Variants in ATP13A1 observed in about 807,000 individuals in gnomAD.
ATP13A1 encodes endoplasmic reticulum transmembrane helix translocase.
ATP13A1 carries 55 observed loss-of-function variants against 134.8 expected under a neutral mutation model. That is an observed-to-expected ratio of 0.41 (90% CI 0.33 to 0.51). The LOEUF is 0.51. ATP13A1 is among the 20% of genes least tolerant of loss of function. The pLI is 0.29. For missense variants in ATP13A1, 1,389 were observed against 1,652.8 expected (o/e 0.84, Z 2.77); for synonymous variants, 775 against 725.1 (o/e 1.07, Z -1.10).
At chr19:19,660,908 G>A (rs570183465) in intron 1 of ATP13A1, among the ~76,000 whole-genome samples, 6 of 150,772 alleles carry the variant, frequency 4.0e-5, no homozygotes, top group South Asian at 2.1e-4. Context: ...GTGAAACCCC[G>A]TCTCTACTAA....
chr19:19,646,369 G>A (rs1432647696), intron 22 of ATP13A1, 22 bp from the exon 23 acceptor site: 2 of 1,613,238 alleles, frequency 1.2e-6, no homozygotes, highest in South Asian at 2.2e-5. Context: ...AGGCGGGTGG[G>A]GGAGTCAGGA....
rs1352975676 is a variant in ATP13A1, at chr19:19,655,557, A to G, written c.1367T>C (p.Ile456Thr). 1 of 1,614,010 alleles carries G rather than the reference A, an allele frequency of 6.2e-7. No individual in the cohort carries two copies. Among genetic ancestry groups the G allele is most frequent in the Admixed American group, 1.7e-5 (1 of 60,020 alleles). ...IFILFLLVFA[I>T]AAAAYVWIEG... ...AATCCATACATAGGCAGCTGCAGCG[A>G]TGGCAAACACCAGGAGGAAGAGGAT... Residue 456 changes from isoleucine to threonine, a missense_variant, in exon 10 of 26, where the codon ATC (isoleucine) becomes ACC (threonine). Physicochemically the swap from Ile to Thr is moderately conservative, Grantham distance 89. Coordinates refer to ENST00000357324, the MANE Select transcript of ATP13A1 (RefSeq NM_020410.3). The surrounding 1 kb of genome is among the most constrained non-coding windows in gnomAD (Gnocchi z 5.7).
Position 19,647,457 on chromosome 19 carries a change from G to A in ATP13A1, c.2865C>T (p.Ser955=). 1 of 1,613,592 alleles carries A rather than the reference G, an allele frequency of 6.2e-7. No individual in the cohort carries two copies. Among genetic ancestry groups the A allele is most frequent in the Non-Finnish European group, 8.5e-7 (1 of 1,179,728 alleles). Residue 955 remains serine, a synonymous_variant, in exon 21 of 26, where the codon AGC becomes AGT. Coordinates refer to ENST00000357324, the MANE Select transcript of ATP13A1 (RefSeq NM_020410.3). This position sits in a 1 kb window ranked among gnomAD's most constrained non-coding sequence, Gnocchi z 4.8. ...GCTTGGAGGTGAAGGGTGCTGCGAT[G>A]CTGGCATCCCCCAGTTTCACAATGG... ...STPIVKLGDA[S]IAAPFTSKLS...
intron 22 of ATP13A1, 48 bp from the exon 23 acceptor site, chr19:19,646,395 G>A: frequency 6.2e-7 from 1 of 1,609,028 alleles, no homozygotes; most frequent in Non-Finnish European, 8.5e-7. Context: ...CTCACTTGGG[G>A]CCACCCTGCC....
chr19:19,648,791 A>G (rs1190335726), intron 19 of ATP13A1, among the ~76,000 whole-genome samples: 1 of 145,520 alleles, frequency 6.9e-6, no homozygotes, highest in African/African-American at 2.6e-5. Flanking sequence ...CCTGGGCAAC[A>G]AGAGAGAAAC....
Position 19,654,568 on chromosome 19 carries a change from C to T in ATP13A1, c.1788G>A (p.Thr596=), listed in dbSNP as rs551273698. ...VGDPLEKAML[T]AVDWTLTKDE... is the part of the protein sequence containing the mutation. ...CTTTGGTCAGCGTCCAGTCCACGGCCGTCAGCATGGCCTTCTCTAGAGGGT... is the reference window on the plus strand; with the variant it reads ...CTTTGGTCAGCGTCCAGTCCACGGCTGTCAGCATGGCCTTCTCTAGAGGGT... Residue 596 remains threonine, a synonymous_variant, in exon 13 of 26, where the codon ACG becomes ACA. Coordinates refer to ENST00000357324, the MANE Select transcript of ATP13A1 (RefSeq NM_020410.3). 1.7e-5 allele frequency: 28 copies of T among 1,611,960 alleles called. No individual in the cohort carries two copies. Among genetic ancestry groups the T allele is most frequent in the African/African-American group, 5.3e-5 (4 of 74,940 alleles).
At chr19:19,658,205 G>A (rs2062072285) in intron 3 of ATP13A1, among the ~76,000 whole-genome samples, 1 of 151,108 alleles carries the variant, frequency 6.6e-6, no homozygotes, top group South Asian at 2.1e-4. Context: ...GGGCCTAAGG[G>A]TGTGTTCTGC....
In ATP13A1 at chr19:19,647,577, C is replaced by T; in HGVS notation, c.2793+22G>A. 3 of 1,612,920 alleles carry T rather than the reference C, an allele frequency of 1.9e-6. No homozygotes were observed. Among genetic ancestry groups the T allele is most frequent in the Non-Finnish European group, 2.5e-6 (3 of 1,179,444 alleles). On this transcript the variant is annotated intron_variant, in intron 20 of 25. Coordinates refer to ENST00000357324, the MANE Select transcript of ATP13A1 (RefSeq NM_020410.3). This position sits in a 1 kb window ranked among gnomAD's most constrained non-coding sequence, Gnocchi z 4.8. ...CAGCCCTGGCCAGGATGGGGTGCAG[C>T]ACCTCCCCTCTTGGGACTCACCCTC...
Position 19,656,204 on chromosome 19 carries a change from T to G in ATP13A1, c.1084-21A>C. Reference sequence around the variant, plus strand: ...GGCTCCTGGGGAGGAAGATCGTGAATCTGGATGGCCAGGCCTACCTTGCTT... The same window carrying G: ...GGCTCCTGGGGAGGAAGATCGTGAAGCTGGATGGCCAGGCCTACCTTGCTT... On this transcript the variant is annotated intron_variant, in intron 7 of 25. Coordinates refer to ENST00000357324, the MANE Select transcript of ATP13A1 (RefSeq NM_020410.3). The surrounding 1 kb of genome is among the most constrained non-coding windows in gnomAD (Gnocchi z 4.6). 6.3e-7 allele frequency: 1 copy of G among 1,584,838 alleles called. No homozygotes were observed. Among genetic ancestry groups the G allele is most frequent in the Non-Finnish European group, 8.6e-7 (1 of 1,163,498 alleles).
In ATP13A1 at chr19:19,659,734, C is replaced by G; in HGVS notation, c.544G>C (p.Asp182His). The G allele has an allele frequency of 6.2e-7, 1 of 1,613,908 alleles. No individual in the cohort carries two copies. Among genetic ancestry groups the G allele is most frequent in the Non-Finnish European group, 8.5e-7 (1 of 1,179,864 alleles). The change falls in exon 3 of 26, where the codon GAT becomes CAT. Residue 182 changes from aspartate to histidine, a missense_variant. Coordinates refer to ENST00000357324, the MANE Select transcript of ATP13A1 (RefSeq NM_020410.3). ...FEFQKIKYSY[D>H]ALEKKQFLPV... ...AGAAACTGCTTCTTCTCCAGGGCATCGTAGGAATACTTGATCTTCTGGAAT... is the reference window on the plus strand; with the variant it reads ...AGAAACTGCTTCTTCTCCAGGGCATGGTAGGAATACTTGATCTTCTGGAAT...
In ATP13A1 at chr19:19,656,836, C is replaced by T. The variant is rs1276028553; in HGVS notation, c.976+11G>A. 1.9e-6 allele frequency: 3 copies of T among 1,612,314 alleles called. No individual in the cohort carries two copies. The highest frequency in any genetic ancestry group is 1.7e-5 in the Admixed American group (1 of 59,750). On this transcript the variant is annotated intron_variant, in intron 6 of 25. Coordinates refer to ENST00000357324, the MANE Select transcript of ATP13A1 (RefSeq NM_020410.3). The surrounding 1 kb of genome is among the most constrained non-coding windows in gnomAD (Gnocchi z 4.6). ...GGGCTCCCACTGGGACTGAGCGGAACCCGGCCTCACCGATGGAGACGATGT... is the reference window on the plus strand; with the variant it reads ...GGGCTCCCACTGGGACTGAGCGGAATCCGGCCTCACCGATGGAGACGATGT...
In ATP13A1 at chr19:19,663,631, G is replaced by A. The variant is rs2062108896; in HGVS notation, c.36C>T (p.Pro12=). The part of the protein sequence containing the change: ...AAAAAVGNAV[P]CGARPCGVRP... Reference sequence around the variant, plus strand: ...GGACCCCGCAAGGCCGGGCCCCGCAGGGCACCGCGTTGCCCACCGCCGCCG... The same window carrying A: ...GGACCCCGCAAGGCCGGGCCCCGCAAGGCACCGCGTTGCCCACCGCCGCCG... The change falls in exon 1 of 26, where the codon CCC becomes CCT. Residue 12 remains proline, a synonymous_variant. Coordinates refer to ENST00000357324, the MANE Select transcript of ATP13A1 (RefSeq NM_020410.3). 4.5e-6 allele frequency: 6 copies of A among 1,339,066 alleles called. No homozygotes were observed. The highest frequency in any genetic ancestry group is 3.1e-5 in the East Asian group (1 of 32,024). The allele number at this position is 1,339,066 out of a possible 1,614,324, so 82.9% of individuals were successfully genotyped here.
intron 16 of ATP13A1, 28 bp downstream of exon 16, chr19:19,652,567 G>A (rs374610173): frequency 4.7e-5 from 75 of 1,597,712 alleles, no homozygotes; most frequent in Non-Finnish European, 6.0e-5. Context: ...TTCCCATGCA[G>A]AGGGTGGAGC....
intron 17 of ATP13A1, 71 bp from the exon 18 acceptor site, chr19:19,650,011 G>C: frequency 1.2e-5 from 16 of 1,382,228 alleles, no homozygotes; most frequent in Non-Finnish European, 1.6e-5. Context: ...CCCTCCACTC[G>C]GACCCCAGCA....
Position 19,645,840 on chromosome 19 carries a change from GA to G in ATP13A1, c.3360+33del. ...TTCATGGGGTGGGGCTGGGTGGGCA[GA>G]CAGTGAATGTTTGGGCAGGGCCCAG... On this transcript the variant is annotated intron_variant, in intron 24 of 25. Transcript: ENST00000357324. This position sits in a 1 kb window ranked among gnomAD's most constrained non-coding sequence, Gnocchi z 4.1. The G allele has an allele frequency of 6.2e-7, 1 of 1,612,258 alleles. No individual in the cohort carries two copies. The highest frequency in any genetic ancestry group is 8.5e-7 in the Non-Finnish European group (1 of 1,179,020).
intron 1 of ATP13A1, chr19:19,662,372 C>A: frequency 1.0e-6 from 1 of 985,254 alleles, no homozygotes; most frequent in South Asian, 4.7e-5. Context: ...GGGTGGGGGG[C>A]TTCTGTCTTT....
rs892990931 is a variant in ATP13A1, at chr19:19,649,899, G to C, written c.2377C>G (p.Leu793Val). 2 of 1,599,442 alleles carry C rather than the reference G, an allele frequency of 1.3e-6. No homozygotes were observed. The highest frequency in any genetic ancestry group is 1.7e-6 in the Non-Finnish European group (2 of 1,179,348). The change falls in exon 18 of 26, where the codon CTG becomes GTG. Residue 793 changes from leucine to valine, a missense_variant. By Grantham distance (32) the Leu-to-Val change is conservative. This residue lies in a region of ATP13A1 where 747 missense variants were observed against 956.1 expected (regional missense o/e 0.78). Coordinates refer to ENST00000357324, the MANE Select transcript of ATP13A1 (RefSeq NM_020410.3). The stretch of plus-strand genomic sequence containing the variant: ...TTTGGGGAGCCCCGGGCCAGGGGCA[G>C]CACGATGCTGCCGTCAATGGAGCGC... ...EWRSIDGSIV[L>V]PLARGSPKAL...
chr19:19,648,105 G>A (rs1362555694), intron 19 of ATP13A1, among the ~76,000 whole-genome samples: 2 of 152,092 alleles, frequency 1.3e-5, no homozygotes, highest in East Asian at 3.9e-4. Context: ...GATCACCTGA[G>A]GTCAGGAGTT....
At chr19:19,646,107 C>A in intron 23 of ATP13A1, 98 bp downstream of exon 23, 1 of 1,596,470 alleles carries the variant, frequency 6.3e-7, no homozygotes, top group Non-Finnish European at 8.6e-7. Flanking sequence ...TCCCTGGACA[C>A]CCTGGACAAC....
Sources: allele counts gnomAD v4.1 joint callset (sites outside exome capture counted in the v4.1 genomes callset), GRCh38; gene constraint gnomAD v4.1.1; regional missense constraint gnomAD v4.1.1; non-coding constraint Gnocchi (gnomAD v3.1); transcripts MANE v1.5; gene names NCBI Gene and HGNC (gene_info 2026-07-23, HGNC 2026-07-21).